The following PANX1 variants were observed in gnomAD, a reference collection of about 807,000 sequenced individuals.
PANX1 encodes pannexin 1, also known as pannexin-1.
In PANX1, 30 loss-of-function variants were observed where a neutral mutation model predicts 38.7. The ratio of observed to expected loss-of-function variants is 0.78; its 90% CI spans 0.58 to 1.05. PANX1 has a LOEUF of 1.05. Ranked by LOEUF, PANX1 falls within the 50% of genes least tolerant of loss-of-function variation. The pLI, the probability that PANX1 is intolerant of heterozygous loss-of-function variation, is 0.00. For missense variants in PANX1, 551 were observed against 517.2 expected, an observed-to-expected ratio of 1.07 and a Z score of -0.63; for synonymous variants, 230 against 212.2, an observed-to-expected ratio of 1.08 and a Z score of -0.73.
At chr11:94,175,491 T>C (rs1268384781) in intron 2 of PANX1, among the ~76,000 whole-genome samples, 1 of 151,764 alleles carries the variant, frequency 6.6e-6, no homozygotes, top group Non-Finnish European at 1.5e-5. Context: ...AGACTGTAAA[T>C]AGTCACTTTT....
At chr11:94,152,023 T>C (rs1241476368) in intron 1 of PANX1, among the ~76,000 whole-genome samples, 1 of 147,748 alleles carries the variant, frequency 6.8e-6, no homozygotes, top group African/African-American at 2.7e-5. Flanking sequence ...TAAAGGCCAC[T>C]CCCTCCCCAG....
At chr11:94,162,208 C>T (rs962361636) in intron 2 of PANX1, among the ~76,000 whole-genome samples, 9 of 152,198 alleles carry the variant, frequency 5.9e-5, no homozygotes, top group African/African-American at 2.2e-4. Context: ...CTCAGACCTC[C>T]AGCTGCGTAC....
intron 1 of PANX1, among the ~76,000 whole-genome samples, chr11:94,138,139 T>A (rs1250987252): frequency 6.6e-6 from 1 of 152,132 alleles, no homozygotes; most frequent in Non-Finnish European, 1.5e-5. Flanking sequence ...GTGGTTGGGT[T>A]GCCCTCTGGA....
At chr11:94,132,729 C>G (rs1167496999) in intron 1 of PANX1, among the ~76,000 whole-genome samples, 2 of 151,978 alleles carry the variant, frequency 1.3e-5, no homozygotes, top group African/African-American at 4.8e-5. Context: ...TCCCCTCAAG[C>G]GTAAAATAAA....
chr11:94,155,882 T>G (rs1009166896), intron 2 of PANX1, among the ~76,000 whole-genome samples: 2 of 152,220 alleles, frequency 1.3e-5, no homozygotes, highest in African/African-American at 2.4e-5. Context: ...CATGGTTTAG[T>G]AGCCAAGGCA....
chr11:94,161,499 C>T (rs1283950739), intron 2 of PANX1, among the ~76,000 whole-genome samples: 3 of 152,202 alleles, frequency 2.0e-5, no homozygotes, highest in Admixed American at 6.5e-5. Flanking sequence ...ACCTTTTCTT[C>T]CAGTTGATCA....
At chr11:94,165,636 C>T (rs1196550809) in intron 2 of PANX1, among the ~76,000 whole-genome samples, 1 of 152,186 alleles carries the variant, frequency 6.6e-6, no homozygotes, top group Non-Finnish European at 1.5e-5. Context: ...TGTGGCCGGG[C>T]ACAGTGGCTC....
chr11:94,159,656 G>A (rs947151635), intron 2 of PANX1, among the ~76,000 whole-genome samples: 2 of 151,842 alleles, frequency 1.3e-5, no homozygotes, highest in East Asian at 3.9e-4. Context: ...TATCAATTTT[G>A]TTGATCTTTT....
At chr11:94,133,514 T>G (rs1002739422) in intron 1 of PANX1, among the ~76,000 whole-genome samples, 13 of 152,110 alleles carry the variant, frequency 8.5e-5, no homozygotes, top group Admixed American at 8.5e-4. Context: ...AGGAGACTCT[T>G]CTGAGTTGTG....
intron 2 of PANX1, among the ~76,000 whole-genome samples, chr11:94,156,683 A>G (rs1043731586): frequency 2.0e-5 from 3 of 151,360 alleles, no homozygotes; most frequent in Admixed American, 6.6e-5. Flanking sequence ...TGTGATTATC[A>G]TTCATCTTTT....
chr11:94,148,502 G>A (rs533521283), intron 1 of PANX1, among the ~76,000 whole-genome samples: 5 of 152,244 alleles, frequency 3.3e-5, no homozygotes, highest in African/African-American at 1.2e-4. Context: ...TTTCAGAGCT[G>A]ACCACTGTCC....
intron 2 of PANX1, among the ~76,000 whole-genome samples, chr11:94,157,774 T>C (rs1946972862): frequency 1.3e-5 from 2 of 152,218 alleles, no homozygotes; most frequent in Admixed American, 1.3e-4. Context: ...TTTTGGCTTT[T>C]GTTGCCATTG....
At chr11:94,144,592 G>A (rs1050396240) in intron 1 of PANX1, among the ~76,000 whole-genome samples, 23 of 152,046 alleles carry the variant, frequency 1.5e-4, no homozygotes, top group African/African-American at 5.6e-4. Context: ...AATGAACTTG[G>A]GCCTAGAGCT....
At chr11:94,168,113 C>T (rs1001143942) in intron 2 of PANX1, among the ~76,000 whole-genome samples, 1 of 151,982 alleles carries the variant, frequency 6.6e-6, no homozygotes, top group Non-Finnish European at 1.5e-5. Context: ...AATTTTTTTT[C>T]CCTTTTCATA....
chr11:94,140,259 T>C (rs1216257416), intron 1 of PANX1, among the ~76,000 whole-genome samples: 1 of 152,244 alleles, frequency 6.6e-6, no homozygotes, highest in Non-Finnish European at 1.5e-5. Context: ...TTACTGCTGG[T>C]GTGGCAGTGG....
rs371848641 is a variant in PANX1 at position 94,172,034 on chromosome 11, A to G, written c.322-6335A>G. 2.4e-4 allele frequency among the ~76,000 whole-genome samples: 36 copies of G among 151,214 alleles called. No individual in the cohort carries two copies. The East Asian group carries it at 4.6e-3, about 19-fold the overall frequency. On this transcript the variant is annotated intron_variant, in intron 2 of 4. Coordinates refer to ENST00000227638, the MANE Select transcript of PANX1 (RefSeq NM_015368.4). Reference sequence around the variant, plus strand: ...ACTGAAAAAAACAATAAGAAAAACAAGAACAAAATTAGGAGAGTGGGCAAA... The same window carrying G: ...ACTGAAAAAAACAATAAGAAAAACAGGAACAAAATTAGGAGAGTGGGCAAA...
intron 1 of PANX1, among the ~76,000 whole-genome samples, chr11:94,142,723 T>A (rs1486664554): frequency 6.6e-6 from 1 of 152,238 alleles, no homozygotes; most frequent in Non-Finnish European, 1.5e-5. Context: ...TTTGAATCCC[T>A]TGCATTGCAT....
Position 94,181,686 on chromosome 11 carries a change from G to A in PANX1, c.*817G>A, listed in dbSNP as rs1947307599. On this transcript the variant is annotated 3_prime_UTR_variant, in exon 5 of 5. Coordinates refer to ENST00000227638, the MANE Select transcript of PANX1 (RefSeq NM_015368.4). ...TACAGGCGGTTTCTCTGTTATCAAA[G>A]GCATTTGAAATAGGATTTTACTTAA... 6.6e-6 allele frequency: 1 copy of A among 152,194 alleles called. No individual in the cohort carries two copies. The allele number at this position is 152,194 out of a possible 1,614,324, so 9.4% of individuals were successfully genotyped here.
At chr11:94,157,152 A>C (rs371253391) in intron 2 of PANX1, among the ~76,000 whole-genome samples, 104 of 152,128 alleles carry the variant, frequency 6.8e-4, no homozygotes, top group African/African-American at 2.4e-3. Flanking sequence ...GTTGGTTCCA[A>C]GTCTTTGCTA....
Sources: gnomAD v4.1 joint callset for allele counts (sites outside exome capture counted in the v4.1 genomes callset) on GRCh38, gnomAD v4.1.1 for gene constraint, MANE v1.5 for transcripts, NCBI Gene and HGNC (gene_info 2026-07-23, HGNC 2026-07-21) for gene names.